The following PAGE2 variants were observed in gnomAD, a reference collection of about 807,000 sequenced individuals.
The protein encoded by PAGE2 is PAGE family member 2.
A neutral mutation model predicts 7.5 loss-of-function variants in PAGE2; 6 were observed. The observed-to-expected ratio is 0.80, with a 90% CI of 0.44 to 1.57. The LOEUF is 1.57. Ranked by LOEUF, PAGE2 falls within the 40% of genes most tolerant of loss-of-function variation. PAGE2 has a pLI of 0.01. For missense variants in PAGE2, 72 were observed against 76.4 expected (o/e 0.94, Z 0.21); for synonymous variants, 22 against 25.4 (o/e 0.87, Z 0.41).
chrX:55,090,147 T>G (rs764834497), intron 2 of PAGE2, 43 bp downstream of exon 2: 1 of 1,130,225 alleles, frequency 8.8e-7, no homozygotes, highest in Non-Finnish European at 1.2e-6. Flanking sequence ...ACACAATTTA[T>G]TTTAAAAATA....
rs762227870 is a variant in PAGE2 at position 55,091,506 on chromosome X, T to A, written c.319+49T>A. 5.9e-6 allele frequency: 7 copies of A among 1,194,102 alleles called. No homozygotes were observed. The East Asian group carries it at 2.1e-4, about 36-fold the overall frequency. ...AACTATTGTATTTCTATTTTCACAG[T>A]ATTTTGTGTGACACAGAGGTAAAAT... On this transcript the variant is annotated intron_variant, in intron 4 of 4. Coordinates refer to ENST00000374968, the MANE Select transcript of PAGE2 (RefSeq NM_207339.4).
At chrX:55,091,851 GTATA>G (rs1259223205) in intron 4 of PAGE2, among the ~76,000 whole-genome samples, 1 of 59,330 alleles carries the variant, frequency 1.7e-5, no homozygotes, top group Non-Finnish European at 3.4e-5. Context: ...TTTACAATGT[GTATA>G]TATATATATT....
Position 55,091,322 on chromosome X carries a change from A to G in PAGE2, c.194-10A>G, listed in dbSNP as rs1323986230. 5.0e-6 allele frequency: 6 copies of G among 1,203,787 alleles called. No homozygotes were observed. In the African/African-American group the frequency reaches 7.3e-5, roughly 15 times the overall value. On this transcript the variant is annotated splice_polypyrimidine_tract_variant and intron_variant, in intron 3 of 4. Transcript: ENST00000374968. ...TAATTTGTAAATTGATGACCTTTTTATCTTTTAAGGGCCTGACATGGAAGC... is the reference window on the plus strand; with the variant it reads ...TAATTTGTAAATTGATGACCTTTTTGTCTTTTAAGGGCCTGACATGGAAGC...
chrX:55,091,427 A>G lies in PAGE2; in HGVS notation c.289A>G (p.Thr97Ala). Reference sequence around the variant, plus strand: ...TGATGTCAGGGAGGGTATTATGCCCACTTTTGATCTCACTAAAGTGCTGGA... The same window carrying G: ...TGATGTCAGGGAGGGTATTATGCCCGCTTTTGATCTCACTAAAGTGCTGGA... Reference protein sequence around the residue: ...GPDVREGIMPTFDLTKVLEAG... With the variant: ...GPDVREGIMPAFDLTKVLEAG... Residue 97 changes from threonine (T) to alanine (A), a missense_variant, in exon 4 of 5, where the codon ACT becomes GCT. Transcript: ENST00000374968. 8.3e-7 allele frequency: 1 copy of G among 1,206,045 alleles called. No homozygotes were observed. Among genetic ancestry groups the G allele is most frequent in the Admixed American group, 2.2e-5 (1 of 45,427 alleles).
chrX:55,090,254 T>G, intron 2 of PAGE2, 150 bp downstream of exon 2: 1 of 663,071 alleles, frequency 1.5e-6, no homozygotes, highest in Non-Finnish European at 2.3e-6. Context: ...AGGAATACTA[T>G]ATTCTGGTGT....
Position 55,090,063 on chromosome X carries a change from G to A in PAGE2, c.43G>A (p.Gly15Arg), listed in dbSNP as rs781693058. Residue 15 changes from glycine to arginine, a missense_variant, in exon 2 of 5, where the codon GGA becomes AGA. Physicochemically the swap from Gly to Arg is moderately radical, Grantham distance 125. Coordinates refer to ENST00000374968, the MANE Select transcript of PAGE2 (RefSeq NM_207339.4). ...LRARSQSSERGNDQESSQPVG... is the reference protein window; with the variant it reads ...LRARSQSSERRNDQESSQPVG... ...AGCAAGATCCCAATCCTCAGAAAGA[G>A]GAAATGACCAAGAGTCTTCCCAGCC... 8.3e-7 allele frequency: 1 copy of A among 1,205,191 alleles called. No individual in the cohort carries two copies. The highest frequency in any genetic ancestry group is 1.1e-6 in the Non-Finnish European group (1 of 891,418).
Position 55,091,744 on chromosome X carries a change from C to T in PAGE2, c.319+287C>T, listed in dbSNP as rs1156491899. On this transcript the variant is annotated intron_variant, in intron 4 of 4. Coordinates refer to ENST00000374968, the MANE Select transcript of PAGE2 (RefSeq NM_207339.4). ...AATTGGGTCAAAACTAATTGGATTACGATATGAAAGAAATGAAACATGCTA... is the reference window on the plus strand; with the variant it reads ...AATTGGGTCAAAACTAATTGGATTATGATATGAAAGAAATGAAACATGCTA... Among the ~76,000 whole-genome samples the T allele has an allele frequency of 5.1e-5, 4 of 79,109 alleles. 1 individual carries two copies. Among genetic ancestry groups the T allele is most frequent in the East Asian group, 4.1e-4 (1 of 2,466 alleles). 68.7% of individuals were successfully genotyped at this position (79,109 alleles called of 115,157 possible). A position where few individuals can be genotyped will look rare whatever the true frequency, so the allele number is the denominator to read the frequency against.
chrX:55,091,414 G>A lies in PAGE2; in HGVS notation c.276G>A (p.Glu92=), dbSNP rs759153482. The A allele has an allele frequency of 1.5e-5, 18 of 1,206,352 alleles. No homozygotes were observed. The South Asian group carries it at 3.0e-4, about 20-fold the overall frequency. ...CTGGAGATGGTCCTGATGTCAGGGA[G>A]GGTATTATGCCCACTTTTGATCTCA... The part of the protein sequence containing the change: ...DEPGDGPDVR[E]GIMPTFDLTK... The change falls in exon 4 of 5, where the codon GAG becomes GAA. Residue 92 remains glutamate, a synonymous_variant. Coordinates refer to ENST00000374968, the MANE Select transcript of PAGE2 (RefSeq NM_207339.4).
intron 1 of PAGE2, among the ~76,000 whole-genome samples, chrX:55,089,702 A>G (rs1936636702): frequency 9.1e-6 from 1 of 110,467 alleles, no homozygotes; most frequent in African/African-American, 3.4e-5. Flanking sequence ...TAGTCATTTC[A>G]GTTTCAATTC....
chrX:55,090,328 G>GTCTGTCTATCTA (rs1557255255), intron 2 of PAGE2, among the ~76,000 whole-genome samples, 174 bp from the exon 3 acceptor site: 1 of 102,029 alleles, frequency 9.8e-6, no homozygotes, highest in Non-Finnish European at 1.9e-5. Flanking sequence ...CTGTCTGTCT[G>GTCTGTCTATCTA]TCTATCTATC....
rs143868988 is a variant in PAGE2, at chrX:55,090,621, A to T, written c.193+11A>T. 4.7e-4 allele frequency: 556 copies of T among 1,188,904 alleles called. 18 individuals carry two copies. In the African/African-American group the frequency reaches 9.2e-3, roughly 20 times the overall value. ...TGCCTGCTTTTCAAGGTGAAGGGAG[A>T]GTGGAAAATAATGCTTATGGGTGGT... On this transcript the variant is annotated intron_variant, in intron 3 of 4. Transcript: ENST00000374968.
At chrX:55,089,489 G>A (rs1164355096) in intron 1 of PAGE2, among the ~76,000 whole-genome samples, 1 of 110,305 alleles carries the variant, frequency 9.1e-6, no homozygotes, top group African/African-American at 3.4e-5. Context: ...CGGTGGGCTG[G>A]TGACTGTGGC....
chrX:55,090,346 CT>C lies in PAGE2; in HGVS notation c.85-155del, dbSNP rs1228978345. On this transcript the variant is annotated intron_variant, in intron 2 of 4. Transcript: ENST00000374968. ...TCTGTCTGTCTATCTATCTATCTAT[CT>C]ATCTATCTATCTATCTATCATCTAT... 2.7e-5 allele frequency among the ~76,000 whole-genome samples: 3 copies of C among 109,324 alleles called. No individual in the cohort carries two copies. In the Admixed American group the frequency reaches 2.9e-4, roughly 11 times the overall value. The allele number at this position is 109,324 out of a possible 115,157, so 94.9% of individuals were successfully genotyped here.
rs187265589 is a variant in PAGE2 at position 55,091,592 on chromosome X, A to C, written c.319+135A>C. The C allele has an allele frequency of 5.1e-3, 5,089 of 996,865 alleles. 200 individuals carry two copies. The African/African-American group carries it at 0.06, about 12-fold the overall frequency. The allele number at this position is 996,865 out of a possible 1,213,427, so 82.2% of individuals were successfully genotyped here. A position where few individuals can be genotyped will look rare whatever the true frequency, so the allele number is the denominator to read the frequency against. On this transcript the variant is annotated intron_variant, in intron 4 of 4. Transcript: ENST00000374968. ...GTTCTTTGAATGTAGTTCAGACCCC[A>C]AATGGCTGCCTTACACACTATCAGG...
intron 3 of PAGE2, 124 bp from the exon 4 acceptor site, chrX:55,091,208 C>T: frequency 9.2e-7 from 1 of 1,086,347 alleles, no homozygotes; most frequent in South Asian, 2.3e-5. Flanking sequence ...TTCCTGGCAG[C>T]AGATTCCTGA....
chrX:55,090,917 G>C (rs1936649949), intron 3 of PAGE2, among the ~76,000 whole-genome samples: 1 of 108,854 alleles, frequency 9.2e-6, no homozygotes, highest in African/African-American at 3.5e-5. Context: ...GCAGCTTGCA[G>C]CTTCCTAGTC....
Position 55,089,036 on chromosome X carries a change from G to C in PAGE2, c.-76G>C, listed in dbSNP as rs1317407320. 1 of 111,754 alleles carries C rather than the reference G, an allele frequency of 8.9e-6. No individual in the cohort carries two copies. The highest frequency in any genetic ancestry group is 3.3e-5 in the African/African-American group (1 of 30,122). 9.2% of individuals were successfully genotyped at this position (111,754 alleles called of 1,213,427 possible). A position where few individuals can be genotyped will look rare whatever the true frequency, so the allele number is the denominator to read the frequency against. On this transcript the variant is annotated 5_prime_UTR_variant, in exon 1 of 5. Coordinates refer to ENST00000374968, the MANE Select transcript of PAGE2 (RefSeq NM_207339.4). ...CCGTCTTGTGTCCGCACAGAGGTCT[G>C]CAAGGAGAGAGAGTGTCTTCATTCT...
rs980144136 is a variant in PAGE2, at chrX:55,089,099, A to T, written c.-13A>T. On this transcript the variant is annotated 5_prime_UTR_variant, in exon 1 of 5. Transcript: ENST00000374968. ...GATTCTTTCTCACTGACCAAGACTC[A>T]GCCGGTAGGTCTGCAGAACGGTGTT... 5 of 111,873 alleles carry T rather than the reference A, an allele frequency of 4.5e-5. No individual in the cohort carries two copies. The highest frequency in any genetic ancestry group is 1.7e-4 in the African/African-American group (5 of 30,074). The allele number at this position is 111,873 out of a possible 1,213,427, so 9.2% of individuals were successfully genotyped here. A position where few individuals can be genotyped will look rare whatever the true frequency, so the allele number is the denominator to read the frequency against.
chrX:55,090,573 T>C lies in PAGE2; in HGVS notation c.156T>C (p.Ser52=). 1 of 1,206,032 alleles carries C rather than the reference T, an allele frequency of 8.3e-7. No individual in the cohort carries two copies. Among genetic ancestry groups the C allele is most frequent in the Non-Finnish European group, 1.1e-6 (1 of 893,660 alleles). The change falls in exon 3 of 5, where the codon AGT becomes AGC. Residue 52 remains serine, a synonymous_variant. Transcript: ENST00000374968. ...PPTDNQGIAP[S]GEIENQAVPA... ...CTGATAATCAGGGTATTGCACCTAG[T>C]GGGGAGATTGAAAATCAAGCAGTGC...
Sources: allele counts gnomAD v4.1 joint callset (sites outside exome capture counted in the v4.1 genomes callset), GRCh38; gene constraint gnomAD v4.1.1; transcripts MANE v1.5; gene names NCBI Gene and HGNC (gene_info 2026-07-23, HGNC 2026-07-21).